Variants in SPATA6L observed in about 807,000 individuals in gnomAD.
SPATA6L encodes the protein spermatogenesis associated 6 like.
In SPATA6L, 68 loss-of-function variants were observed where a neutral mutation model predicts 49.2. The observed-to-expected ratio is 1.38, with a 90% CI of 1.14 to 1.69. The LOEUF is 1.69. Ranked by LOEUF, SPATA6L falls within the 40% of genes most tolerant of loss-of-function variation. The pLI, the probability that SPATA6L is intolerant of heterozygous loss-of-function variation, is 0.00. For synonymous variants in SPATA6L, 198 were observed against 165.7 expected (o/e 1.19, Z -1.50); for missense variants, 668 against 464.3 (o/e 1.44, Z -4.03).
rs1219874543 is a variant in SPATA6L, at chr9:4,598,422, A to G, written c.*2389T>C. 6.6e-6 allele frequency among the ~76,000 whole-genome samples: 1 copy of G among 152,224 alleles called. No homozygotes were observed. The highest frequency in any genetic ancestry group is 1.5e-5 in the Non-Finnish European group (1 of 68,040). Reference sequence around the variant, plus strand: ...TACACTCCAAAAGCAAAATACTTCAACTGCAATCCTTGCCCCAGCATGATT... The same window carrying G: ...TACACTCCAAAAGCAAAATACTTCAGCTGCAATCCTTGCCCCAGCATGATT... On this transcript the variant is annotated 3_prime_UTR_variant, in exon 12 of 12. Coordinates refer to ENST00000682582, the MANE Select transcript of SPATA6L (RefSeq NM_001353486.2).
rs1164900141 is a variant in SPATA6L, at chr9:4,662,379, C to A, written c.40-343G>T. 1 of 1,514,406 alleles carries A rather than the reference C, an allele frequency of 6.6e-7. No homozygotes were observed. Among genetic ancestry groups the A allele is most frequent in the Non-Finnish European group, 8.8e-7 (1 of 1,139,178 alleles). 93.8% of individuals were successfully genotyped at this position (1,514,406 alleles called of 1,614,324 possible). The stretch of plus-strand genomic sequence containing the variant: ...GGGATCCGGGCCGCCAGCTGCGATG[C>A]CAAGTCCCCGGAGGAGCATGGAGGG... On this transcript the variant is annotated intron_variant, in intron 1 of 11. Transcript: ENST00000682582. This position sits in a 1 kb window ranked among gnomAD's most constrained non-coding sequence, Gnocchi z 4.9.
In SPATA6L at chr9:4,604,259, G is replaced by A. The variant is rs751584566; in HGVS notation, c.1100C>T (p.Thr367Ile). The change falls in exon 11 of 12, where the codon ACC (threonine) becomes ATC (isoleucine). Residue 367 changes from threonine (T) to isoleucine (I), a missense_variant. Thr to Ile is a moderately conservative substitution (Grantham distance 89, BLOSUM62 -1). Transcript: ENST00000682582. ...TTCAATGATATAATTTACTTCAGAGGTAGAATCTTCCTACAATAAAAACAA... is the reference window on the plus strand; with the variant it reads ...TTCAATGATATAATTTACTTCAGAGATAGAATCTTCCTACAATAAAAACAA... Reference protein sequence around the residue: ...AQLHQNKEDSTSEVNYIIERP... With the variant: ...AQLHQNKEDSISEVNYIIERP... 3.1e-6 allele frequency: 5 copies of A among 1,605,866 alleles called. No homozygotes were observed. Among genetic ancestry groups the A allele is most frequent in the African/African-American group, 1.3e-5 (1 of 74,704 alleles).
chr9:4,629,943 G>A (rs1431444461), intron 4 of SPATA6L, among the ~76,000 whole-genome samples: 1 of 151,882 alleles, frequency 6.6e-6, no homozygotes, highest in Admixed American at 6.6e-5. Context: ...GAACTGTGGT[G>A]TATTTACATA....
chr9:4,645,368 A>T (rs941532341), intron 3 of SPATA6L, among the ~76,000 whole-genome samples: 6 of 152,202 alleles, frequency 3.9e-5, no homozygotes, highest in East Asian at 1.9e-4. Flanking sequence ...ATTTATTTTT[A>T]AAAAGCTATT....
chr9:4,651,593 A>G (rs1836868225), intron 3 of SPATA6L, among the ~76,000 whole-genome samples: 2 of 152,338 alleles, frequency 1.3e-5, no homozygotes, highest in South Asian at 4.1e-4. Context: ...AAAATCCTCA[A>G]CATAATACTA....
rs58325546 is a variant in SPATA6L, at chr9:4,644,183, CAAAAAAAAAAAAAAAA to C, written c.227-8800_227-8785del. Among the ~76,000 whole-genome samples the C allele has an allele frequency of 5.7e-4, 26 of 45,666 alleles. 1 individual carries two copies. Among genetic ancestry groups the C allele is most frequent in the East Asian group, 1.2e-3 (1 of 806 alleles). 30.0% of individuals were successfully genotyped at this position (45,666 alleles called of 152,430 possible). ...GCAACATAGTAAGATGCCATCTCTG[CAAAAAAAAAAAAAAAA>C]AAAAAAAAAAAAAAAAAAAATGTAG... On this transcript the variant is annotated intron_variant, in intron 3 of 11. Coordinates refer to ENST00000682582, the MANE Select transcript of SPATA6L (RefSeq NM_001353486.2).
At chr9:4,606,806 C>T (rs1248452626) in intron 9 of SPATA6L, among the ~76,000 whole-genome samples, 1 of 148,444 alleles carries the variant, frequency 6.7e-6, no homozygotes, top group Non-Finnish European at 1.5e-5. Flanking sequence ...ACGACTTCGA[C>T]GAGCTGAGAG....
In SPATA6L at chr9:4,635,324, T is replaced by A; in HGVS notation, c.302A>T (p.His101Leu). 1.3e-6 allele frequency: 2 copies of A among 1,589,704 alleles called. No individual in the cohort carries two copies. Among genetic ancestry groups the A allele is most frequent in the Non-Finnish European group, 1.7e-6 (2 of 1,171,520 alleles). ...GAGCACCTCCCTACACCTCCTAGGG[T>A]GCGAAGGTGTCAGCTTGGGCTCTGG... ...LFPEPKLTPS[H>L]PRRCREVLMK... is the part of the protein sequence containing the mutation. Residue 101 changes from histidine (H) to leucine (L), a missense_variant, in exon 4 of 12, where the codon CAC (histidine) becomes CTC (leucine). Transcript: ENST00000682582.
At chr9:4,655,078 C>G (rs1474057103) in intron 3 of SPATA6L, among the ~76,000 whole-genome samples, 1 of 152,152 alleles carries the variant, frequency 6.6e-6, no homozygotes, top group Non-Finnish European at 1.5e-5. Context: ...TATGTTCACA[C>G]AAAAACTTAT....
intron 1 of SPATA6L, among the ~76,000 whole-genome samples, chr9:4,665,871 T>C (rs1478997008): frequency 6.6e-6 from 1 of 152,166 alleles, no homozygotes; most frequent in Non-Finnish European, 1.5e-5. Context: ...TTTAAAGAAG[T>C]TGAAAATCCT....
At chr9:4,655,652 G>T (rs575611767) in intron 3 of SPATA6L, among the ~76,000 whole-genome samples, 1 of 151,760 alleles carries the variant, frequency 6.6e-6, no homozygotes, top group Non-Finnish European at 1.5e-5. Flanking sequence ...AGGTTTAAGC[G>T]ATTCTCCTGC....
At chr9:4,660,202 CT>C (rs764127547) in intron 2 of SPATA6L, among the ~76,000 whole-genome samples, 37 of 152,294 alleles carry the variant, frequency 2.4e-4, no homozygotes, top group Non-Finnish European at 5.0e-4. Context: ...AACTAAAGAG[CT>C]TCTGCACAGC....
rs533301007 is a variant in SPATA6L, at chr9:4,605,433, G to C, written c.1003C>G (p.Pro335Ala). The C allele has an allele frequency of 3.1e-6, 5 of 1,613,412 alleles. No homozygotes were observed. The African/African-American group carries it at 5.3e-5, about 17-fold the overall frequency. ...DQPLLRERFHPGSQSTWKNIH... is the reference protein window; with the variant it reads ...DQPLLRERFHAGSQSTWKNIH... ...TTCTTCCATGTGGACTGAGAACCAGGATGGAACCTGCTCAACAGATGGAAC... is the reference window on the plus strand; with the variant it reads ...TTCTTCCATGTGGACTGAGAACCAGCATGGAACCTGCTCAACAGATGGAAC... Residue 335 changes from proline (P) to alanine (A), a missense_variant, in exon 10 of 12, where the codon CCT becomes GCT. By Grantham distance (27) the Pro-to-Ala change is conservative. Coordinates refer to ENST00000682582, the MANE Select transcript of SPATA6L (RefSeq NM_001353486.2).
chr9:4,651,372 A>C lies in SPATA6L; in HGVS notation c.226+4669T>G, dbSNP rs142101135. Among the ~76,000 whole-genome samples the C allele has an allele frequency of 1.1e-4, 17 of 152,304 alleles. No homozygotes were observed. The East Asian group carries it at 1.3e-3, about 12-fold the overall frequency. On this transcript the variant is annotated intron_variant, in intron 3 of 11. Coordinates refer to ENST00000682582, the MANE Select transcript of SPATA6L (RefSeq NM_001353486.2). ...AGAGAGATTAAATTAGTAATCAAAA[A>C]ACAACCCAAAGACAAGCCCAGGTCC...
chr9:4,605,725 T>C (rs1254169568), intron 9 of SPATA6L, among the ~76,000 whole-genome samples: 1 of 151,918 alleles, frequency 6.6e-6, no homozygotes, highest in East Asian at 1.9e-4. Flanking sequence ...GATATTTCTC[T>C]CATGAACAAA....
chr9:4,649,005 T>C (rs1364831659), intron 3 of SPATA6L, among the ~76,000 whole-genome samples: 1 of 152,018 alleles, frequency 6.6e-6, no homozygotes, highest in East Asian at 1.9e-4. Context: ...ATGCCATTAA[T>C]TCATTCCTTT....
chr9:4,604,409 T>A, intron 10 of SPATA6L, 140 bp from the exon 11 acceptor site: 4 of 507,690 alleles, frequency 7.9e-6, no homozygotes, highest in East Asian at 6.8e-5. Flanking sequence ...TATGTGTGTA[T>A]ATAGAATCTT....
chr9:4,662,892 C>G lies in SPATA6L; in HGVS notation c.40-856G>C, dbSNP rs773133630. On this transcript the variant is annotated intron_variant, in intron 1 of 11. Transcript: ENST00000682582. The surrounding 1 kb of genome is among the most constrained non-coding windows in gnomAD (Gnocchi z 4.9). Reference sequence around the variant, plus strand: ...GGTGCTGATGAACCTGCTCTTCGCCCTGCTGTTGGACCTGCTGCTGGTGGC... The same window carrying G: ...GGTGCTGATGAACCTGCTCTTCGCCGTGCTGTTGGACCTGCTGCTGGTGGC... The G allele has an allele frequency of 6.2e-7, 1 of 1,607,892 alleles. No homozygotes were observed. Among genetic ancestry groups the G allele is most frequent in the East Asian group, 2.2e-5 (1 of 44,850 alleles).
At position 4,599,590 on chromosome 9, in the gene SPATA6L, G is replaced by A. The variant is rs962429643; in HGVS notation, c.*1221C>T. ...TCATTTCTCACAGTTCTGGAAGCTG[G>A]GAAGTCCAAGATCAGAATGTTGGCA... On this transcript the variant is annotated 3_prime_UTR_variant, in exon 12 of 12. Coordinates refer to ENST00000682582, the MANE Select transcript of SPATA6L (RefSeq NM_001353486.2). Among the ~76,000 whole-genome samples the A allele has an allele frequency of 6.6e-6, 1 of 152,202 alleles. No homozygotes were observed. Among genetic ancestry groups the A allele is most frequent in the African/African-American group, 2.4e-5 (1 of 41,446 alleles).
Sources: gnomAD v4.1 joint callset for allele counts (sites outside exome capture counted in the v4.1 genomes callset) on GRCh38, gnomAD v4.1.1 for gene constraint, Gnocchi (gnomAD v3.1) non-coding constraint, MANE v1.5 for transcripts, NCBI Gene and HGNC (gene_info 2026-07-23, HGNC 2026-07-21) for gene names.